Variants in WDR44 observed in about 807,000 individuals in gnomAD.
The protein encoded by WDR44 is WD repeat domain 44.
A neutral mutation model predicts 65.7 loss-of-function variants in WDR44; 9 were observed. That is an observed-to-expected ratio of 0.14 (90% CI 0.08 to 0.24). The LOEUF is 0.24. WDR44 is among the 10% of genes least tolerant of loss of function. The pLI is 1.00. For missense variants in WDR44, 425 were observed against 670.9 expected, an observed-to-expected ratio of 0.63 and a Z score of 4.05; for synonymous variants, 220 against 235.2, an observed-to-expected ratio of 0.94 and a Z score of 0.59.
chrX:118,393,928 A>G lies in WDR44; in HGVS notation c.827-127A>G, dbSNP rs548453142. Reference sequence around the variant, plus strand: ...AGCTGTATAGTCTTGAGGAAATTAAATAACTTGTTTGAACCATGGTTTCCC... The same window carrying G: ...AGCTGTATAGTCTTGAGGAAATTAAGTAACTTGTTTGAACCATGGTTTCCC... On this transcript the variant is annotated intron_variant, in intron 4 of 19. Transcript: ENST00000254029. 2.4e-5 allele frequency: 14 copies of G among 583,920 alleles called. No homozygotes were observed. The East Asian group carries it at 4.3e-4, about 18-fold the overall frequency. The allele number at this position is 583,920 out of a possible 1,213,427, so 48.1% of individuals were successfully genotyped here. A position where few individuals can be genotyped will look rare whatever the true frequency, so the allele number is the denominator to read the frequency against.
intron 13 of WDR44, among the ~76,000 whole-genome samples, chrX:118,435,761 A>G: frequency 8.9e-6 from 1 of 112,912 alleles, no homozygotes; most frequent in Non-Finnish European, 1.9e-5. Flanking sequence ...AGATTATTGT[A>G]AATTTCCAAA....
intron 2 of WDR44, among the ~76,000 whole-genome samples, chrX:118,385,852 T>C (rs749135531): frequency 4.1e-4 from 45 of 110,659 alleles, no homozygotes; most frequent in African/African-American, 1.4e-3. Context: ...GTAGAAGATA[T>C]CAAAAATGTA....
chrX:118,384,523 T>A (rs2056748814), intron 2 of WDR44, among the ~76,000 whole-genome samples: 1 of 111,865 alleles, frequency 8.9e-6, no homozygotes. Flanking sequence ...CTCTATTCTG[T>A]TCTATTGGTC....
At chrX:118,404,035 A>G (rs1276901068) in intron 8 of WDR44, among the ~76,000 whole-genome samples, 1 of 111,919 alleles carries the variant, frequency 8.9e-6, no homozygotes, top group African/African-American at 3.2e-5. Flanking sequence ...AAGTACCTAC[A>G]CTTTAAACAC....
chrX:118,398,553 C>T (rs6646189), intron 8 of WDR44, 83 bp downstream of exon 8: 187,908 of 821,170 alleles, frequency 0.23, 16,704 homozygotes, highest in African/African-American at 0.4. Flanking sequence ...TTAAATCATG[C>T]TCCATGTAGT....
chrX:118,413,362 G>T (rs1347963015), intron 12 of WDR44, among the ~76,000 whole-genome samples: 1 of 111,837 alleles, frequency 8.9e-6, no homozygotes, highest in East Asian at 2.8e-4. Flanking sequence ...TCTATTTTTT[G>T]ATTTTTTATT....
At chrX:118,380,946 C>T (rs2056709415) in intron 2 of WDR44, among the ~76,000 whole-genome samples, 1 of 111,293 alleles carries the variant, frequency 9.0e-6, no homozygotes, top group African/African-American at 3.3e-5. Context: ...ATAGTAGGGA[C>T]TAATAAATAT....
chrX:118,440,450 A>C (rs2057295226), intron 14 of WDR44, among the ~76,000 whole-genome samples: 2 of 111,218 alleles, frequency 1.8e-5, no homozygotes, highest in Admixed American at 1.9e-4. Context: ...TGATGAAGTA[A>C]TTCTCTGTTG....
intron 1 of WDR44, among the ~76,000 whole-genome samples, chrX:118,353,706 A>G (rs1370754230): frequency 3.6e-5 from 4 of 112,616 alleles, no homozygotes; most frequent in Non-Finnish European, 7.5e-5. Context: ...CCATCCCTTT[A>G]TAATAACAAG....
chrX:118,394,312 T>C, intron 5 of WDR44, 127 bp downstream of exon 5: 5 of 963,801 alleles, frequency 5.2e-6, no homozygotes, highest in Non-Finnish European at 7.0e-6. Context: ...ACCCCCTTAC[T>C]TCTCTTGATC....
intron 12 of WDR44, among the ~76,000 whole-genome samples, chrX:118,426,673 T>C (rs2057159429): frequency 9.2e-6 from 1 of 108,701 alleles, no homozygotes; most frequent in Non-Finnish European, 1.9e-5. Context: ...GCCACTGCAC[T>C]CTAGCCTGGG....
At chrX:118,365,541 T>G (rs765866867) in intron 1 of WDR44, among the ~76,000 whole-genome samples, 3 of 111,456 alleles carry the variant, frequency 2.7e-5, no homozygotes, top group Admixed American at 9.6e-5. Context: ...AGAAAAATTT[T>G]GGGGTCCTGT....
chrX:118,382,820 TGATA>T, intron 2 of WDR44, among the ~76,000 whole-genome samples: 1 of 112,077 alleles, frequency 8.9e-6, no homozygotes, highest in Middle Eastern at 4.6e-3. Context: ...TTTGATACCA[TGATA>T]GATAGGAGTT....
At chrX:118,401,883 A>G (rs752720699) in intron 8 of WDR44, among the ~76,000 whole-genome samples, 296 of 110,410 alleles carry the variant, frequency 2.7e-3, no homozygotes, top group Non-Finnish European at 4.6e-3. Context: ...TCAGCTTTCT[A>G]CATATGGCTA....
At chrX:118,387,055 G>A (rs1269619362) in intron 2 of WDR44, among the ~76,000 whole-genome samples, 4 of 108,446 alleles carry the variant, frequency 3.7e-5, no homozygotes, top group Non-Finnish European at 5.7e-5. Context: ...GGTGGCACGC[G>A]CCTATAATCC....
intron 12 of WDR44, among the ~76,000 whole-genome samples, chrX:118,424,321 G>GTA (rs1430796503): frequency 1.6e-5 from 1 of 63,468 alleles, no homozygotes; most frequent in South Asian, 6.6e-4. Context: ...ATGTGTGTGT[G>GTA]TGTATATATA....
intron 12 of WDR44, among the ~76,000 whole-genome samples, chrX:118,424,339 A>ATATATG (rs2057137771): frequency 2.3e-5 from 2 of 85,309 alleles, no homozygotes; most frequent in African/African-American, 6.0e-5. Context: ...ATATATATAT[A>ATATATG]TATATATATG....
rs2057374366 is a variant in WDR44 at position 118,449,593 on chromosome X, A to G, written c.*606A>G. On this transcript the variant is annotated 3_prime_UTR_variant, in exon 20 of 20. Transcript: ENST00000254029. Reference sequence around the variant, plus strand: ...GATTCTTTTCTTTATATGTGTACATATAATTTTTTTTTCTTTGCCACACTG... The same window carrying G: ...GATTCTTTTCTTTATATGTGTACATGTAATTTTTTTTTCTTTGCCACACTG... 1 of 111,063 alleles carries G rather than the reference A, an allele frequency of 9.0e-6. No individual in the cohort carries two copies. Among genetic ancestry groups the G allele is most frequent in the Admixed American group, 9.7e-5 (1 of 10,311 alleles). 9.2% of individuals were successfully genotyped at this position (111,063 alleles called of 1,213,427 possible).
intron 10 of WDR44, among the ~76,000 whole-genome samples, chrX:118,408,739 C>T (rs1373235235): frequency 4.5e-5 from 5 of 111,914 alleles, no homozygotes; most frequent in South Asian, 3.7e-4. Context: ...GGATGCTATA[C>T]GGGTCACTGC....
Sources: gnomAD v4.1 joint callset for allele counts (sites outside exome capture counted in the v4.1 genomes callset) on GRCh38, gnomAD v4.1.1 for gene constraint, MANE v1.5 for transcripts, NCBI Gene and HGNC (gene_info 2026-07-23, HGNC 2026-07-21) for gene names.